Variants in COL5A2 observed in about 807,000 individuals in gnomAD.
The protein encoded by COL5A2 is collagen type V alpha 2 chain.
Under a neutral mutation model 208.2 loss-of-function variants are expected in COL5A2, and 23 were observed. The ratio of observed to expected loss-of-function variants is 0.11; its 90% CI spans 0.08 to 0.16. The LOEUF is 0.16. Ranked by LOEUF, COL5A2 falls within the 10% of genes least tolerant of loss-of-function variation. COL5A2 has a pLI of 1.00. For missense variants in COL5A2, 1,590 were observed against 1,956.4 expected, an observed-to-expected ratio of 0.81 and a Z score of 3.53; for synonymous variants, 625 against 628.5, an observed-to-expected ratio of 0.99 and a Z score of 0.08.
the COL5A2 span, among the ~76,000 whole-genome samples, chr2:189,346,697 CAGGTGTCAGA>C: frequency 3.3e-5 from 5 of 152,164 alleles, no homozygotes; most frequent in East Asian, 9.7e-4. Flanking sequence ...ACTGGTTTCA[CAGGTGTCAGA>C]AGGTTGAATA....
chr2:189,074,489 C>A (rs1686352861), intron 17 of COL5A2, among the ~76,000 whole-genome samples: 1 of 152,100 alleles, frequency 6.6e-6, no homozygotes, highest in South Asian at 2.1e-4. Flanking sequence ...TTTCTCATTC[C>A]ATGTTACATT....
chr2:189,130,791 T>C (rs1012407946), intron 1 of COL5A2, among the ~76,000 whole-genome samples: 2 of 152,082 alleles, frequency 1.3e-5, no homozygotes, highest in East Asian at 1.9e-4. Flanking sequence ...GTGAAAAATT[T>C]AGTTTATAAA....
intron 1 of COL5A2, among the ~76,000 whole-genome samples, chr2:189,220,682 C>G (rs948608045): frequency 2.0e-5 from 3 of 152,064 alleles, no homozygotes; most frequent in African/African-American, 7.2e-5. Context: ...CAACATCTGT[C>G]ATCTTGGTTA....
At chr2:189,043,283 A>G (rs1685597822) in intron 47 of COL5A2, 25 bp from the exon 48 acceptor site, 1 of 1,507,810 alleles carries the variant, frequency 6.6e-7, no homozygotes, top group Non-Finnish European at 9.2e-7. Flanking sequence ...ATGGCATGAA[A>G]ATTACTTGCT....
the COL5A2 span, among the ~76,000 whole-genome samples, chr2:189,325,137 A>C: frequency 6.6e-6 from 1 of 151,946 alleles, no homozygotes; most frequent in African/African-American, 2.4e-5. Flanking sequence ...TGGACACGGG[A>C]AGGGGAACAT....
At chr2:189,048,378 G>T in intron 44 of COL5A2, 116 bp from the exon 45 acceptor site, 1 of 867,362 alleles carries the variant, frequency 1.2e-6, no homozygotes, top group Non-Finnish European at 1.9e-6. Flanking sequence ...CTGTCAGTTA[G>T]CATTTATGCA....
At chr2:189,392,920 C>T in the COL5A2 span, among the ~76,000 whole-genome samples, 1 of 152,084 alleles carries the variant, frequency 6.6e-6, no homozygotes, top group East Asian at 1.9e-4. Context: ...TTGGAAATAC[C>T]ACATTTATCT....
At chr2:189,164,604 T>C (rs563227828) in intron 1 of COL5A2, among the ~76,000 whole-genome samples, 7 of 152,322 alleles carry the variant, frequency 4.6e-5, no homozygotes, top group African/African-American at 1.7e-4. Flanking sequence ...AGAAGAATTT[T>C]ATTTTGCATT....
chr2:189,305,997 G>A, the COL5A2 span, among the ~76,000 whole-genome samples: 3 of 152,132 alleles, frequency 2.0e-5, no homozygotes, highest in African/African-American at 7.2e-5. Flanking sequence ...GCCTGCTGGA[G>A]GCCATTTCAA....
chr2:189,207,237 T>C (rs536165076), intron 1 of COL5A2, among the ~76,000 whole-genome samples: 3 of 152,208 alleles, frequency 2.0e-5, no homozygotes, highest in Non-Finnish European at 4.4e-5. Flanking sequence ...TTTCATATTA[T>C]GGTATTTTCA....
the COL5A2 span, among the ~76,000 whole-genome samples, chr2:189,376,171 T>C: frequency 6.6e-6 from 1 of 152,224 alleles, no homozygotes; most frequent in Non-Finnish European, 1.5e-5. Flanking sequence ...TTTTTGCATA[T>C]TGCACTGTTT....
chr2:189,367,460 A>G, the COL5A2 span, among the ~76,000 whole-genome samples: 1 of 152,198 alleles, frequency 6.6e-6, no homozygotes. Context: ...GTTCTCCAGG[A>G]CATTCTTTCT....
At chr2:189,329,741 T>C in the COL5A2 span, among the ~76,000 whole-genome samples, 1 of 152,216 alleles carries the variant, frequency 6.6e-6, no homozygotes, top group Non-Finnish European at 1.5e-5. Context: ...ATTGCTGTAT[T>C]TATTTGCTTC....
the COL5A2 span, among the ~76,000 whole-genome samples, chr2:189,344,882 T>C: frequency 7.9e-5 from 12 of 152,152 alleles, no homozygotes; most frequent in African/African-American, 2.7e-4. Context: ...TTTTGGCCTG[T>C]AGCAGCCAAG....
At chr2:189,411,963 G>A in the COL5A2 span, among the ~76,000 whole-genome samples, 1 of 152,078 alleles carries the variant, frequency 6.6e-6, no homozygotes, top group Admixed American at 6.5e-5. Flanking sequence ...TATGGAAAGG[G>A]GCTTCCAAAA....
At chr2:189,127,406 C>T (rs1559116329) in intron 1 of COL5A2, among the ~76,000 whole-genome samples, 2 of 151,956 alleles carry the variant, frequency 1.3e-5, no homozygotes, top group African/African-American at 2.4e-5. Flanking sequence ...AACTAATAGC[C>T]TTTCAGATGT....
chr2:189,174,125 T>C (rs1254615175), intron 1 of COL5A2, among the ~76,000 whole-genome samples: 2 of 152,232 alleles, frequency 1.3e-5, no homozygotes, highest in African/African-American at 4.8e-5. Flanking sequence ...AATCTTCTAA[T>C]TTCCAGCTTC....
the COL5A2 span, among the ~76,000 whole-genome samples, chr2:189,252,512 C>CA: frequency 1.3e-5 from 2 of 151,214 alleles, no homozygotes; most frequent in Admixed American, 6.6e-5. Context: ...ATCGCAAGGA[C>CA]AAAAAAACCA....
the COL5A2 span, among the ~76,000 whole-genome samples, chr2:189,260,078 G>C: frequency 6.6e-6 from 1 of 152,112 alleles, no homozygotes; most frequent in African/African-American, 2.4e-5. Flanking sequence ...ATGACACTGT[G>C]TTCCTAAATC....
Sources: allele counts gnomAD v4.1 joint callset (sites outside exome capture counted in the v4.1 genomes callset), GRCh38; gene constraint gnomAD v4.1.1; transcripts MANE v1.5; gene names NCBI Gene and HGNC (gene_info 2026-07-23, HGNC 2026-07-21).